Variants in THSD7B observed in about 807,000 individuals in gnomAD.
THSD7B encodes thrombospondin type 1 domain containing 7B, also known as thrombospondin type-1 domain-containing protein 7B.
In THSD7B, 138 loss-of-function variants were observed where a neutral mutation model predicts 213.6. The observed-to-expected ratio is 0.65, with a 90% CI of 0.56 to 0.74. The LOEUF is 0.74. Among genes scored for constraint, THSD7B ranks in the 30% least tolerant of loss-of-function variants. The pLI is 0.00. For missense variants in THSD7B, 1,931 were observed against 1,991.5 expected, an observed-to-expected ratio of 0.97 and a Z score of 0.58; for synonymous variants, 742 against 687.0, an observed-to-expected ratio of 1.08 and a Z score of -1.25.
At chr2:137,123,345 C>G (rs905461370) in intron 5 of THSD7B, among the ~76,000 whole-genome samples, 1 of 152,108 alleles carries the variant, frequency 6.6e-6, no homozygotes, top group South Asian at 2.1e-4. Flanking sequence ...AGGAGGAGGC[C>G]AGGCCACTCA....
At chr2:137,083,029 T>C (rs911559683) in intron 3 of THSD7B, among the ~76,000 whole-genome samples, 9 of 152,108 alleles carry the variant, frequency 5.9e-5, no homozygotes, top group Non-Finnish European at 1.5e-5. Context: ...AAAACATAAT[T>C]TCATCCTGCT....
At chr2:137,194,996 T>A (rs1025361176) in intron 7 of THSD7B, among the ~76,000 whole-genome samples, 5 of 152,132 alleles carry the variant, frequency 3.3e-5, no homozygotes, top group African/African-American at 7.2e-5. Context: ...CTAATCTTAG[T>A]GAAGCCACCT....
intron 12 of THSD7B, among the ~76,000 whole-genome samples, chr2:137,353,728 C>T (rs530283250): frequency 2.0e-5 from 3 of 152,050 alleles, no homozygotes; most frequent in Non-Finnish European, 4.4e-5. Context: ...ATCAAAGAAT[C>T]TTATACCTAT....
At chr2:137,308,017 T>G (rs1457718842) in intron 12 of THSD7B, among the ~76,000 whole-genome samples, 2 of 151,964 alleles carry the variant, frequency 1.3e-5, no homozygotes, top group Non-Finnish European at 2.9e-5. Flanking sequence ...TGCGAGTCCT[T>G]TATCAATCTA....
intron 13 of THSD7B, among the ~76,000 whole-genome samples, chr2:137,408,137 G>A (rs1424864903): frequency 6.6e-6 from 1 of 151,922 alleles, no homozygotes; most frequent in African/African-American, 2.4e-5. Context: ...AACCATTTCT[G>A]CATTAACTTG....
intron 7 of THSD7B, among the ~76,000 whole-genome samples, chr2:137,182,797 A>G (rs1297905668): frequency 6.6e-6 from 1 of 152,044 alleles, no homozygotes. Context: ...TATCACTCCT[A>G]ATTTCTCCAC....
intron 3 of THSD7B, among the ~76,000 whole-genome samples, chr2:137,060,944 A>T (rs564878880): frequency 6.6e-6 from 1 of 151,872 alleles, no homozygotes. Flanking sequence ...GGGAAGAACT[A>T]ATATATTGAT....
At chr2:137,413,900 G>A (rs78978572) in intron 14 of THSD7B, among the ~76,000 whole-genome samples, 5,139 of 152,250 alleles carry the variant, frequency 0.034, 122 homozygotes, top group Middle Eastern at 0.086. Context: ...AGACATGATG[G>A]TAGGTTAGAC....
chr2:137,264,095 G>T (rs565942147), intron 10 of THSD7B, among the ~76,000 whole-genome samples: 1 of 152,114 alleles, frequency 6.6e-6, no homozygotes, highest in African/African-American at 2.4e-5. Flanking sequence ...CATGTAGCAG[G>T]TACCTCACAA....
rs530104638 is a variant in THSD7B at position 137,237,547 on chromosome 2, C to T, written c.2150+4414C>T. Reference sequence around the variant, plus strand: ...AAAATGGAATTCTACCATCAAGGCACTCAAAATTAGTGTATGTACAGCATG... The same window carrying T: ...AAAATGGAATTCTACCATCAAGGCATTCAAAATTAGTGTATGTACAGCATG... On this transcript the variant is annotated intron_variant, in intron 9 of 27. Coordinates refer to ENST00000409968, the MANE Select transcript of THSD7B (RefSeq NM_001316349.2). 4.6e-5 allele frequency among the ~76,000 whole-genome samples: 7 copies of T among 152,294 alleles called. No homozygotes were observed. In the South Asian group the frequency reaches 1.4e-3, roughly 32 times the overall value.
intron 12 of THSD7B, among the ~76,000 whole-genome samples, chr2:137,292,835 G>T (rs1683367558): frequency 6.6e-6 from 1 of 152,052 alleles, no homozygotes; most frequent in South Asian, 2.1e-4. Context: ...CTCTGCGTTG[G>T]CCATTCCATG....
chr2:136,955,476 G>T (rs1685108816), intron 2 of THSD7B, among the ~76,000 whole-genome samples: 1 of 152,060 alleles, frequency 6.6e-6, no homozygotes, highest in Non-Finnish European at 1.5e-5. Context: ...CTTTAAAAAA[G>T]AAACTCTGAG....
At chr2:137,502,496 A>C (rs1436322118) in intron 15 of THSD7B, among the ~76,000 whole-genome samples, 1 of 152,138 alleles carries the variant, frequency 6.6e-6, no homozygotes, top group African/African-American at 2.4e-5. Context: ...TAAAATCTCA[A>C]GGGTGAAATG....
chr2:137,088,610 A>AT (rs1430210667), intron 3 of THSD7B, among the ~76,000 whole-genome samples: 1 of 126,058 alleles, frequency 7.9e-6, no homozygotes, highest in Non-Finnish European at 1.7e-5. Context: ...AAATGCAATA[A>AT]AAAAAAAAAA....
chr2:137,311,648 T>C (rs546182593), intron 12 of THSD7B, among the ~76,000 whole-genome samples: 1 of 152,108 alleles, frequency 6.6e-6, no homozygotes, highest in Non-Finnish European at 1.5e-5. Flanking sequence ...GGGTTTGTCA[T>C]AGATAGCTCT....
intron 27 of THSD7B, among the ~76,000 whole-genome samples, chr2:137,676,295 G>C (rs1378414041): frequency 2.0e-5 from 3 of 152,212 alleles, no homozygotes; most frequent in African/African-American, 7.2e-5. Flanking sequence ...CTTCTACTAA[G>C]TTCCTTCATT....
chr2:137,179,038 T>C (rs1389471503), intron 7 of THSD7B, among the ~76,000 whole-genome samples: 1 of 152,198 alleles, frequency 6.6e-6, no homozygotes, highest in African/African-American at 2.4e-5. Context: ...TTTTTCTATC[T>C]CTTCTGAAAT....
chr2:136,852,056 G>A (rs949538945), intron 1 of THSD7B, among the ~76,000 whole-genome samples: 4 of 151,838 alleles, frequency 2.6e-5, no homozygotes, highest in Non-Finnish European at 5.9e-5. Flanking sequence ...ATTATATAAG[G>A]TCCTTAAAAT....
At chr2:136,865,040 T>C (rs1319210727) in intron 1 of THSD7B, among the ~76,000 whole-genome samples, 2 of 152,252 alleles carry the variant, frequency 1.3e-5, no homozygotes, top group Admixed American at 6.5e-5. Context: ...ATTATTTCTG[T>C]ACTGGGTTAT....
Sources: gnomAD v4.1 joint callset for allele counts (sites outside exome capture counted in the v4.1 genomes callset) on GRCh38, gnomAD v4.1.1 for gene constraint, MANE v1.5 for transcripts, NCBI Gene and HGNC (gene_info 2026-07-23, HGNC 2026-07-21) for gene names.